MACROD2: variants seen among roughly 807,000 people sequenced by gnomAD.
MACROD2 encodes mono-ADP ribosylhydrolase 2.
A neutral mutation model predicts 70.4 loss-of-function variants in MACROD2; 36 were observed. That is an observed-to-expected ratio of 0.51 (90% CI 0.39 to 0.68). MACROD2 has a LOEUF of 0.68. Among genes scored for constraint, MACROD2 ranks in the 30% least tolerant of loss-of-function variants. The probability of loss-of-function intolerance (pLI) is 0.00; values close to 1 mark genes in which losing one functional copy is unlikely to be tolerated. For synonymous variants in MACROD2, 172 were observed against 178.8 expected, an observed-to-expected ratio of 0.96 and a Z score of 0.30; for missense variants, 496 against 538.4, an observed-to-expected ratio of 0.92 and a Z score of 0.78.
intron 8 of MACROD2, among the ~76,000 whole-genome samples, chr20:15,737,866 G>A (rs986378133): frequency 6.6e-6 from 1 of 151,646 alleles, no homozygotes; most frequent in Non-Finnish European, 1.5e-5. Context: ...ATCAATGGAT[G>A]GATGGATGGA....
chr20:14,353,981 C>A (rs1050708740), intron 3 of MACROD2, among the ~76,000 whole-genome samples: 1 of 152,116 alleles, frequency 6.6e-6, no homozygotes, highest in Non-Finnish European at 1.5e-5. Context: ...GTCAAGTCGG[C>A]AATCTGCAGT....
intron 6 of MACROD2, among the ~76,000 whole-genome samples, chr20:15,258,922 C>T (rs2077223597): frequency 6.6e-6 from 1 of 151,876 alleles, no homozygotes; most frequent in African/African-American, 2.4e-5. Context: ...GAGATAAAAG[C>T]AGCTAATTTC....
chr20:15,551,967 AAGG>A (rs2048105320), intron 8 of MACROD2, among the ~76,000 whole-genome samples: 1 of 152,072 alleles, frequency 6.6e-6, no homozygotes, highest in African/African-American at 2.4e-5. Context: ...ACTTTCATAT[AAGG>A]AGAAAATCTT....
intron 5 of MACROD2, among the ~76,000 whole-genome samples, chr20:14,779,233 C>T (rs1568790970): frequency 6.6e-6 from 1 of 152,092 alleles, no homozygotes. Context: ...TTCCCTTCGT[C>T]AATCAGAATT....
intron 3 of MACROD2, among the ~76,000 whole-genome samples, chr20:14,460,061 T>C (rs922503602): frequency 4.6e-5 from 7 of 152,122 alleles, no homozygotes; most frequent in African/African-American, 1.7e-4. Context: ...GAACTCATCC[T>C]TTTTTATGGC....
chr20:15,029,866 C>T (rs1223987052), intron 5 of MACROD2, among the ~76,000 whole-genome samples: 1 of 151,948 alleles, frequency 6.6e-6, no homozygotes, highest in African/African-American at 2.4e-5. Context: ...CTGAGGTGAG[C>T]AGATTACGAG....
At chr20:14,183,245 C>A (rs1021284640) in intron 3 of MACROD2, among the ~76,000 whole-genome samples, 4 of 151,486 alleles carry the variant, frequency 2.6e-5, no homozygotes, top group African/African-American at 9.7e-5. Flanking sequence ...ATGTTCTCAT[C>A]ATTTAGCTCT....
intron 8 of MACROD2, among the ~76,000 whole-genome samples, chr20:15,548,410 T>C (rs1194047612): frequency 6.6e-6 from 1 of 152,136 alleles, no homozygotes; most frequent in Non-Finnish European, 1.5e-5. Context: ...TGTTTTGTTT[T>C]TTGAGATGGA....
chr20:15,409,016 C>T (rs1469450982), intron 6 of MACROD2, among the ~76,000 whole-genome samples: 1 of 152,034 alleles, frequency 6.6e-6, no homozygotes, highest in African/African-American at 2.4e-5. Flanking sequence ...TTTCTTTATA[C>T]TTTCTTCTTT....
chr20:15,997,578 T>C (rs1189094129), intron 15 of MACROD2, among the ~76,000 whole-genome samples: 2 of 152,210 alleles, frequency 1.3e-5, no homozygotes, highest in African/African-American at 4.8e-5. Flanking sequence ...ATTTATTAGT[T>C]TTAACAGTTT....
At position 15,883,596 on chromosome 20, in the gene MACROD2, C is replaced by T. The variant is rs1440480951; in HGVS notation, c.728-2168C>T. Among the ~76,000 whole-genome samples, 3 of 19,030 alleles carry T rather than the reference C, an allele frequency of 1.6e-4. No homozygotes were observed. The Non-Finnish European group carries it at 1.7e-3, about 10-fold the overall frequency. The allele number at this position is 19,030 out of a possible 152,430, so 12.5% of individuals were successfully genotyped here. On this transcript the variant is annotated intron_variant, in intron 9 of 17. Transcript: ENST00000684519. ...TTCCTCTGACTAATAAATCTCTAAT[C>T]ATCATTAATAATTAATAATCAATTC...
intron 5 of MACROD2, among the ~76,000 whole-genome samples, chr20:14,719,717 A>T (rs540909261): frequency 6.6e-6 from 1 of 152,324 alleles, no homozygotes; most frequent in African/African-American, 2.4e-5. Context: ...TGTCTAAGAA[A>T]GCAAGATCTG....
chr20:14,885,301 T>A (rs1052083507), intron 5 of MACROD2, among the ~76,000 whole-genome samples: 3 of 152,182 alleles, frequency 2.0e-5, no homozygotes, highest in Non-Finnish European at 4.4e-5. Context: ...ATACATGTAA[T>A]CTTTATTGCA....
chr20:14,773,256 A>G (rs1196647900), intron 5 of MACROD2, among the ~76,000 whole-genome samples: 6 of 152,104 alleles, frequency 3.9e-5, no homozygotes, highest in Non-Finnish European at 8.8e-5. Context: ...AATATCTGAT[A>G]GATGTATTAC....
chr20:15,425,479 G>T (rs6043270), intron 6 of MACROD2, among the ~76,000 whole-genome samples: 47,432 of 151,988 alleles, frequency 0.31, 7,709 homozygotes, highest in African/African-American at 0.39. Context: ...GATATATAAT[G>T]AAAAACACTT....
At chr20:16,002,475 A>G (rs2066723525) in intron 15 of MACROD2, among the ~76,000 whole-genome samples, 1 of 152,142 alleles carries the variant, frequency 6.6e-6, no homozygotes, top group Admixed American at 6.5e-5. Flanking sequence ...CAAATAGGGA[A>G]GCAGGAGAGT....
intron 8 of MACROD2, among the ~76,000 whole-genome samples, chr20:15,824,957 A>T (rs1019898263): frequency 6.6e-6 from 1 of 152,160 alleles, no homozygotes; most frequent in Non-Finnish European, 1.5e-5. Context: ...ATAACTGTGG[A>T]GTTTTTACTT....
chr20:15,354,820 T>C (rs1175119645), intron 6 of MACROD2, among the ~76,000 whole-genome samples: 1 of 152,172 alleles, frequency 6.6e-6, no homozygotes, highest in Non-Finnish European at 1.5e-5. Context: ...AAATTGCTTA[T>C]ATTCATGACA....
At chr20:15,371,271 T>C (rs2045488587) in intron 6 of MACROD2, among the ~76,000 whole-genome samples, 1 of 152,132 alleles carries the variant, frequency 6.6e-6, no homozygotes, top group Non-Finnish European at 1.5e-5. Context: ...CAGTATAAGA[T>C]ATTAAAATAG....
Sources: gnomAD v4.1 joint callset for allele counts (sites outside exome capture counted in the v4.1 genomes callset) on GRCh38, gnomAD v4.1.1 for gene constraint, MANE v1.5 for transcripts, NCBI Gene and HGNC (gene_info 2026-07-23, HGNC 2026-07-21) for gene names.